Variants in PRELID2 observed in about 807,000 individuals in gnomAD.
PRELID2 encodes the protein PRELI domain-containing protein 2.
In PRELID2, 25 loss-of-function variants were observed where a neutral mutation model predicts 28.4. The ratio of observed to expected loss-of-function variants is 0.88; its 90% CI spans 0.64 to 1.23. PRELID2 has a LOEUF of 1.23. Among genes scored for constraint, PRELID2 ranks in the 50% most tolerant of loss-of-function variants. PRELID2 has a pLI of 0.00. For missense variants in PRELID2, 201 were observed against 214.4 expected, an observed-to-expected ratio of 0.94 and a Z score of 0.39; for synonymous variants, 76 against 71.6, an observed-to-expected ratio of 1.06 and a Z score of -0.31.
At chr5:145,678,424 T>C (rs980435689) in intron 1 of PRELID2, among the ~76,000 whole-genome samples, 5 of 152,206 alleles carry the variant, frequency 3.3e-5, no homozygotes, top group Non-Finnish European at 7.3e-5. Flanking sequence ...CATGCTTTTA[T>C]CTACCGGTAG....
chr5:145,531,908 T>C (rs1202362857), intron 1 of PRELID2, among the ~76,000 whole-genome samples: 1 of 152,204 alleles, frequency 6.6e-6, no homozygotes, highest in Non-Finnish European at 1.5e-5. Context: ...TTGCTAGCCA[T>C]GTAGACTTGA....
At chr5:145,432,844 G>A in the PRELID2 span, among the ~76,000 whole-genome samples, 1 of 152,050 alleles carries the variant, frequency 6.6e-6, no homozygotes, top group African/African-American at 2.4e-5. Flanking sequence ...CTGAACCATG[G>A]AAGAAAATAA....
At chr5:145,559,809 G>A (rs1481642484) in intron 1 of PRELID2, among the ~76,000 whole-genome samples, 3 of 143,124 alleles carry the variant, frequency 2.1e-5, no homozygotes. Flanking sequence ...AGAAGATACT[G>A]AATATATTTT....
intron 1 of PRELID2, among the ~76,000 whole-genome samples, chr5:145,616,085 G>T (rs141409223): frequency 0.017 from 2,621 of 152,318 alleles, 83 homozygotes; most frequent in African/African-American, 0.06. Flanking sequence ...TTTCTAGCTT[G>T]TAGGGTTTCT....
chr5:145,334,038 T>A, the PRELID2 span, among the ~76,000 whole-genome samples: 2 of 151,996 alleles, frequency 1.3e-5, no homozygotes, highest in African/African-American at 4.8e-5. Flanking sequence ...GGGAGGGAAT[T>A]CCCTTGTCCT....
At chr5:145,300,895 T>A in the PRELID2 span, among the ~76,000 whole-genome samples, 9 of 151,974 alleles carry the variant, frequency 5.9e-5, no homozygotes, top group African/African-American at 2.2e-4. Flanking sequence ...ATTTATATGA[T>A]TTTTAAGCCA....
chr5:145,286,704 TTTTTTTTGTTTGTTTGTTTG>T, the PRELID2 span, among the ~76,000 whole-genome samples: 2,460 of 95,818 alleles, frequency 0.026, 38 homozygotes, highest in Admixed American at 0.054. Flanking sequence ...AAGTTTTTGT[TTTTTTTTGTTTGTTTGTTTG>T]TTTTTTTTTT....
chr5:145,380,731 G>A, the PRELID2 span, among the ~76,000 whole-genome samples: 32 of 152,168 alleles, frequency 2.1e-4, no homozygotes, highest in East Asian at 5.8e-4. Context: ...CATTAAATAC[G>A]TTTCAGTTGA....
the PRELID2 span, among the ~76,000 whole-genome samples, chr5:145,368,953 T>C: frequency 2.0e-5 from 3 of 151,802 alleles, no homozygotes; most frequent in African/African-American, 7.3e-5. Context: ...TTCCTGATCA[T>C]CTCCCTCTTC....
At chr5:145,499,105 G>A (rs986872978) in intron 1 of PRELID2, among the ~76,000 whole-genome samples, 13 of 152,020 alleles carry the variant, frequency 8.6e-5, no homozygotes, top group African/African-American at 1.7e-4. Flanking sequence ...AAAATTAGCC[G>A]GGTGTGGTGG....
chr5:145,504,323 T>A (rs905023296), intron 1 of PRELID2, among the ~76,000 whole-genome samples: 1 of 152,154 alleles, frequency 6.6e-6, no homozygotes, highest in African/African-American at 2.4e-5. Flanking sequence ...AGATAAGGCA[T>A]ATAAAGGACT....
chr5:145,512,830 T>C (rs1368423829), intron 1 of PRELID2, among the ~76,000 whole-genome samples: 1 of 152,168 alleles, frequency 6.6e-6, no homozygotes, highest in African/African-American at 2.4e-5. Context: ...CTGCTGGTGA[T>C]ACCCAGGCAA....
intron 1 of PRELID2, among the ~76,000 whole-genome samples, chr5:145,741,265 T>C (rs1445241852): frequency 2.7e-4 from 31 of 113,778 alleles, no homozygotes; most frequent in African/African-American, 1.1e-3. Context: ...AAATAATATA[T>C]ATTTATATTT....
chr5:145,764,336 G>A (rs908681242), intron 6 of PRELID2, among the ~76,000 whole-genome samples: 5 of 152,130 alleles, frequency 3.3e-5, no homozygotes, highest in East Asian at 1.9e-4. Flanking sequence ...GATGTGGCAC[G>A]TGCTTCAGCA....
At chr5:145,725,384 A>C (rs1756117305) in intron 1 of PRELID2, among the ~76,000 whole-genome samples, 1 of 152,218 alleles carries the variant, frequency 6.6e-6, no homozygotes, top group Non-Finnish European at 1.5e-5. Flanking sequence ...AAGCATTGCT[A>C]ACAGGTATAC....
chr5:145,815,872 T>C (rs1754267485), intron 4 of PRELID2, among the ~76,000 whole-genome samples: 2 of 152,130 alleles, frequency 1.3e-5, no homozygotes, highest in Admixed American at 1.3e-4. Context: ...TTTGTACAAG[T>C]TTTTGTGTGG....
At chr5:145,834,449 A>G (rs1755802751) in intron 1 of PRELID2, among the ~76,000 whole-genome samples, 1 of 152,210 alleles carries the variant, frequency 6.6e-6, no homozygotes, top group Non-Finnish European at 1.5e-5. Flanking sequence ...ATTCTTGGTA[A>G]ACAACTTAGG....
At chr5:145,413,839 C>T in the PRELID2 span, among the ~76,000 whole-genome samples, 9 of 152,066 alleles carry the variant, frequency 5.9e-5, no homozygotes, top group South Asian at 6.2e-4. Flanking sequence ...ACCTAATGAC[C>T]GGCAGTTCCC....
At chr5:145,317,690 A>G in the PRELID2 span, among the ~76,000 whole-genome samples, 3 of 152,096 alleles carry the variant, frequency 2.0e-5, no homozygotes, top group Admixed American at 6.5e-5. Flanking sequence ...AATCTCTTCT[A>G]TGACTCCAGC....
Sources: allele counts gnomAD v4.1 joint callset (sites outside exome capture counted in the v4.1 genomes callset), GRCh38; gene constraint gnomAD v4.1.1; transcripts MANE v1.5; gene names NCBI Gene and HGNC (gene_info 2026-07-23, HGNC 2026-07-21).